Variants in SMIM31 observed in about 807,000 individuals in gnomAD.
SMIM31 encodes human epithelial cell program regulator.
intron 2 of SMIM31, among the ~76,000 whole-genome samples, chr4:164,773,605 G>C (rs1029298122): frequency 2.8e-4 from 42 of 152,250 alleles, no homozygotes; most frequent in Non-Finnish European, 5.1e-4. Context: ...CTGCCCCCAT[G>C]ATTCTATTAC....
intron 2 of SMIM31, among the ~76,000 whole-genome samples, chr4:164,788,519 C>T (rs1244642468): frequency 9.0e-5 from 4 of 44,616 alleles, no homozygotes; most frequent in African/African-American, 1.5e-4. Context: ...GACGGAGTTT[C>T]GCTCTGGTTG....
At chr4:164,791,930 T>C (rs1733106700) in intron 2 of SMIM31, among the ~76,000 whole-genome samples, 1 of 152,152 alleles carries the variant, frequency 6.6e-6, no homozygotes, top group Non-Finnish European at 1.5e-5. Context: ...AGCTCGCACT[T>C]ATAGGTGAGA....
In SMIM31 at chr4:164,757,677, T is replaced by C. The variant is rs115819556; in HGVS notation, c.-26+3266T>C. 6.7e-3 allele frequency among the ~76,000 whole-genome samples: 1,018 copies of C among 152,304 alleles called. 11 individuals are homozygous for C. Among genetic ancestry groups the C allele is most frequent in the African/African-American group, 0.023 (977 of 41,582 alleles). On this transcript the variant is annotated intron_variant, in intron 1 of 2. Transcript: ENST00000507311. ...CCACCACTGTTTTCAAAAAAACATT[T>C]TCTTTTCATTACTGAATTGCTTTGG... is the stretch of plus-strand genomic sequence containing the variant.
At chr4:164,800,590 C>G (rs1175131538) in intron 2 of SMIM31, among the ~76,000 whole-genome samples, 1 of 152,060 alleles carries the variant, frequency 6.6e-6, no homozygotes, top group Non-Finnish European at 1.5e-5. Context: ...GTCCAGGGAC[C>G]CCAGAACAGA....
chr4:164,793,966 A>G (rs1004267095), intron 2 of SMIM31, among the ~76,000 whole-genome samples: 44 of 152,234 alleles, frequency 2.9e-4, no homozygotes, highest in Non-Finnish European at 5.9e-4. Context: ...ATGACACCAA[A>G]AGCATATGCA....
chr4:164,795,953 C>A (rs1178921480), intron 2 of SMIM31, among the ~76,000 whole-genome samples: 1 of 152,156 alleles, frequency 6.6e-6, no homozygotes, highest in Non-Finnish European at 1.5e-5. Context: ...TACAGAGAAA[C>A]CCCCACCTTC....
intron 2 of SMIM31, among the ~76,000 whole-genome samples, chr4:164,793,929 A>G (rs1733142116): frequency 6.6e-6 from 1 of 152,252 alleles, no homozygotes; most frequent in Non-Finnish European, 1.5e-5. Context: ...GCATCGTAGC[A>G]TTTGACTTGG....
At chr4:164,773,173 G>A (rs895738052) in intron 2 of SMIM31, among the ~76,000 whole-genome samples, 3 of 152,046 alleles carry the variant, frequency 2.0e-5, no homozygotes, top group Admixed American at 6.6e-5. Flanking sequence ...AAAAATTAGG[G>A]TAGGAAAAAA....
chr4:164,782,372 C>CTTTTTTTTTTTTTTTTTTT lies in SMIM31; in HGVS notation c.112+11821_112+11822insTTTTTTTTTTTTTTTTTTT, dbSNP rs1359094792. On this transcript the variant is annotated intron_variant, in intron 2 of 2. Transcript: ENST00000507311. ...CTATAAAACACTACTTTATCTCTTT[C>CTTTTTTTTTTTTTTTTTTT]TTTTATTTTTTTTTTTTTTTTTTTG... 1.5e-5 allele frequency among the ~76,000 whole-genome samples: 2 copies of CTTTTTTTTTTTTTTTTTTT among 135,876 alleles called. 1 individual carries two copies. Among genetic ancestry groups the CTTTTTTTTTTTTTTTTTTT allele is most frequent in the African/African-American group, 6.8e-5 (2 of 29,430 alleles). 89.1% of individuals were successfully genotyped at this position (135,876 alleles called of 152,430 possible).
chr4:164,760,941 G>C (rs1732641630), intron 1 of SMIM31, among the ~76,000 whole-genome samples: 1 of 152,128 alleles, frequency 6.6e-6, no homozygotes, highest in African/African-American at 2.4e-5. Context: ...CATTAAGTTT[G>C]AGAAATAGTA....
Position 164,788,478 on chromosome 4 carries a change from CTTTTTTTTTTTTTT to C in SMIM31, c.113-12598_113-12585del, listed in dbSNP as rs72177805. 1.0e-4 allele frequency among the ~76,000 whole-genome samples: 6 copies of C among 58,162 alleles called. 1 individual carries two copies. The highest frequency in any genetic ancestry group is 3.6e-4 in the African/African-American group (5 of 13,836). 38.2% of individuals were successfully genotyped at this position (58,162 alleles called of 152,430 possible). On this transcript the variant is annotated intron_variant, in intron 2 of 2. Transcript: ENST00000507311. ...ATAAAATTTCTTTCTTCTAATTTTT[CTTTTTTTTTTTTTT>C]TTTTTTTTTTTTTTGAGACGGAGTT...
chr4:164,781,781 G>A (rs1732952655), intron 2 of SMIM31, among the ~76,000 whole-genome samples: 1 of 152,194 alleles, frequency 6.6e-6, no homozygotes, highest in Non-Finnish European at 1.5e-5. Flanking sequence ...AGATTACATA[G>A]TGGATGCTTC....
intron 2 of SMIM31, among the ~76,000 whole-genome samples, chr4:164,798,121 T>A (rs1733229158): frequency 6.6e-6 from 1 of 152,248 alleles, no homozygotes; most frequent in Admixed American, 6.5e-5. Context: ...ATTTTCTTTA[T>A]CCAATTATCC....
intron 1 of SMIM31, among the ~76,000 whole-genome samples, chr4:164,769,449 A>G (rs566543684): frequency 8.6e-4 from 130 of 151,922 alleles, no homozygotes; most frequent in Non-Finnish European, 1.3e-3. Flanking sequence ...TTGTAGGGAC[A>G]TGGATGAAGC....
chr4:164,795,631 A>G (rs1278892879), intron 2 of SMIM31, among the ~76,000 whole-genome samples: 1 of 151,948 alleles, frequency 6.6e-6, no homozygotes, highest in East Asian at 1.9e-4. Flanking sequence ...ATAAGCAAAT[A>G]TAAGATAATT....
intron 1 of SMIM31, among the ~76,000 whole-genome samples, chr4:164,755,547 AGGGGAGGGGAGGGGAGGGGAG>A (rs1732549349): frequency 1.1e-3 from 2 of 1,822 alleles, no homozygotes; most frequent in Non-Finnish European, 0.011. Context: ...AGAGGAGGGG[AGGGGAGGGGAGGGGAGGGGAG>A]GGGAGGGGAG....
At chr4:164,792,800 G>T (rs576512958) in intron 2 of SMIM31, among the ~76,000 whole-genome samples, 2 of 152,044 alleles carry the variant, frequency 1.3e-5, no homozygotes, top group African/African-American at 4.8e-5. Flanking sequence ...GAATCTCAAG[G>T]CACCCTAGTC....
chr4:164,787,452 C>G (rs1351615631), intron 2 of SMIM31: 1 of 151,374 alleles, frequency 6.6e-6, no homozygotes, highest in East Asian at 1.9e-4. Context: ...CAGTGTTGCT[C>G]TTATATTTTA....
chr4:164,765,897 G>T (rs902591909), intron 1 of SMIM31, among the ~76,000 whole-genome samples: 1 of 152,122 alleles, frequency 6.6e-6, no homozygotes. Flanking sequence ...TTTAGATGAA[G>T]GCAGTCATTT....
Sources: allele counts gnomAD v4.1 joint callset (sites outside exome capture counted in the v4.1 genomes callset), GRCh38; gene constraint gnomAD v4.1.1; transcripts MANE v1.5; gene names NCBI Gene and HGNC (gene_info 2026-07-23, HGNC 2026-07-21).